The following TSHZ2 variants were observed in gnomAD, a reference collection of about 807,000 sequenced individuals.
TSHZ2 encodes the protein teashirt homolog 2.
In TSHZ2, 21 loss-of-function variants were observed where a neutral mutation model predicts 74.4. The ratio of observed to expected loss-of-function variants is 0.28; its 90% CI spans 0.20 to 0.41. TSHZ2 has a LOEUF of 0.41. TSHZ2 is among the 10% of genes least tolerant of loss of function. The pLI, the probability that TSHZ2 is intolerant of heterozygous loss-of-function variation, is 1.00. For synonymous variants in TSHZ2, 540 were observed against 515.3 expected (o/e 1.05, Z -0.65); for missense variants, 1,244 against 1,293.5 (o/e 0.96, Z 0.59).
At chr20:53,164,877 A>C (rs1475620633) in intron 1 of TSHZ2, among the ~76,000 whole-genome samples, 1 of 152,216 alleles carries the variant, frequency 6.6e-6, no homozygotes, top group African/African-American at 2.4e-5. Flanking sequence ...AAATAAACAT[A>C]TGTTGCCTAC....
chr20:53,200,513 TTA>T (rs1988977176), intron 1 of TSHZ2, among the ~76,000 whole-genome samples: 1 of 152,226 alleles, frequency 6.6e-6, no homozygotes, highest in Non-Finnish European at 1.5e-5. Context: ...GTGAGAATGC[TTA>T]TGTTTCAAAT....
At chr20:53,014,166 C>G (rs1266671346) in intron 1 of TSHZ2, among the ~76,000 whole-genome samples, 2 of 151,358 alleles carry the variant, frequency 1.3e-5, no homozygotes, top group Admixed American at 1.3e-4. Context: ...TTTTTTCTGG[C>G]CTGTAGAAGA....
chr20:53,358,270 C>G (rs1465747508), intron 2 of TSHZ2, among the ~76,000 whole-genome samples: 1 of 139,078 alleles, frequency 7.2e-6, no homozygotes, highest in Non-Finnish European at 1.5e-5. Context: ...CCTGGGTAAA[C>G]TGGGACAAAA....
At chr20:53,099,463 C>T (rs1181690520) in intron 1 of TSHZ2, among the ~76,000 whole-genome samples, 1 of 28,564 alleles carries the variant, frequency 3.5e-5, no homozygotes, top group African/African-American at 4.5e-4. Flanking sequence ...TCATTTGCTA[C>T]AACCTGTTTC....
At chr20:53,226,427 G>GGGGTGTGTGTGTGTGTGT (rs879256692) in intron 1 of TSHZ2, among the ~76,000 whole-genome samples, 101 of 149,668 alleles carry the variant, frequency 6.7e-4, no homozygotes, top group African/African-American at 1.6e-3. Flanking sequence ...TGTGTGGGTC[G>GGGGTGTGTGTGTGTGTGT]GTGTGTGTAT....
intron 1 of TSHZ2, among the ~76,000 whole-genome samples, chr20:53,201,652 T>C (rs1383369634): frequency 6.6e-6 from 1 of 152,216 alleles, no homozygotes; most frequent in African/African-American, 2.4e-5. Context: ...TTGGATGCCA[T>C]GATCTCGCCT....
intron 1 of TSHZ2, among the ~76,000 whole-genome samples, chr20:53,142,805 C>T (rs562736000): frequency 1.4e-4 from 21 of 148,524 alleles, no homozygotes; most frequent in Non-Finnish European, 1.8e-4. Flanking sequence ...ACCCACAAGC[C>T]GGTAACAGTA....
At position 53,051,451 on chromosome 20, in the gene TSHZ2, G is replaced by GCA. The variant is rs1289924266; in HGVS notation, c.40+78119_40+78120insAC. 9.1e-5 allele frequency among the ~76,000 whole-genome samples: 8 copies of GCA among 87,576 alleles called. No homozygotes were observed. The South Asian group carries it at 1.4e-3, about 16-fold the overall frequency. The allele number at this position is 87,576 out of a possible 152,430, so 57.5% of individuals were successfully genotyped here. Reference sequence around the variant, plus strand: ...AATATTCTTATCATATTACTCTGTGGCGCACGCACACACACACACACACAC... The same window carrying GCA: ...AATATTCTTATCATATTACTCTGTGGCACGCACGCACACACACACACACACAC... On this transcript the variant is annotated intron_variant, in intron 1 of 2. Coordinates refer to ENST00000371497, the MANE Select transcript of TSHZ2 (RefSeq NM_173485.6).
At chr20:53,176,114 T>C (rs1243098753) in intron 1 of TSHZ2, among the ~76,000 whole-genome samples, 1 of 152,208 alleles carries the variant, frequency 6.6e-6, no homozygotes, top group Admixed American at 6.5e-5. Flanking sequence ...TGACAACAGG[T>C]GCTGAACTGC....
chr20:53,129,963 T>C (rs147534154), intron 1 of TSHZ2, among the ~76,000 whole-genome samples: 19 of 152,000 alleles, frequency 1.3e-4, no homozygotes, highest in African/African-American at 4.3e-4. Flanking sequence ...CTCGTTTTCC[T>C]CTCGGAATGG....
At chr20:53,233,729 A>G (rs1477069021) in intron 1 of TSHZ2, among the ~76,000 whole-genome samples, 3 of 152,168 alleles carry the variant, frequency 2.0e-5, no homozygotes, top group Non-Finnish European at 4.4e-5. Context: ...ACAGAGGGAG[A>G]AGGAGGAAGA....
At chr20:53,387,254 G>A (rs1048905734) in intron 2 of TSHZ2, among the ~76,000 whole-genome samples, 1 of 152,186 alleles carries the variant, frequency 6.6e-6, no homozygotes, top group African/African-American at 2.4e-5. Context: ...AGAAAACAGT[G>A]GTCTAAAAAG....
chr20:53,127,742 A>G (rs1235819892), intron 1 of TSHZ2, among the ~76,000 whole-genome samples: 1 of 152,188 alleles, frequency 6.6e-6, no homozygotes. Context: ...TGTGAGGCAG[A>G]GTATTTATAA....
intron 2 of TSHZ2, among the ~76,000 whole-genome samples, chr20:53,402,901 C>T (rs149409346): frequency 0.011 from 1,751 of 152,332 alleles, 21 homozygotes; most frequent in South Asian, 0.035. Flanking sequence ...ACCCACCACA[C>T]TGTTCAGCTC....
intron 1 of TSHZ2, among the ~76,000 whole-genome samples, chr20:53,019,451 T>A (rs930020633): frequency 6.6e-6 from 1 of 152,082 alleles, no homozygotes; most frequent in Non-Finnish European, 1.5e-5. Context: ...CTTCTGAAAC[T>A]CTGTGGCCAA....
chr20:53,422,165 ATAAC>A (rs1260456851), intron 2 of TSHZ2, among the ~76,000 whole-genome samples: 1 of 152,210 alleles, frequency 6.6e-6, no homozygotes, highest in African/African-American at 2.4e-5. Flanking sequence ...TTATGAAATA[ATAAC>A]TAAATAACGA....
Position 53,492,856 on chromosome 20 carries a change from G to T in TSHZ2, c.*5721G>T, listed in dbSNP as rs1986484742. ...ATCACATTCATCCTTGCTCTAAAGT[G>T]TTTACTTGCCAGCAAAGAAAGGCAA... On this transcript the variant is annotated 3_prime_UTR_variant, in exon 3 of 3. Coordinates refer to ENST00000371497, the MANE Select transcript of TSHZ2 (RefSeq NM_173485.6). The T allele has an allele frequency of 1.3e-5, 2 of 152,116 alleles. No homozygotes were observed. Among genetic ancestry groups the T allele is most frequent in the East Asian group, 3.8e-4 (2 of 5,202 alleles). The allele number at this position is 152,116 out of a possible 1,614,324, so 9.4% of individuals were successfully genotyped here. A position where few individuals can be genotyped will look rare whatever the true frequency, so the allele number is the denominator to read the frequency against.
At chr20:53,449,949 T>C (rs1393419030) in intron 2 of TSHZ2, among the ~76,000 whole-genome samples, 1 of 152,248 alleles carries the variant, frequency 6.6e-6, no homozygotes, top group Admixed American at 6.5e-5. Flanking sequence ...GTTTGTTCTC[T>C]AAGGTCAGAG....
chr20:53,414,765 A>C (rs776269818), intron 2 of TSHZ2, among the ~76,000 whole-genome samples: 1 of 152,224 alleles, frequency 6.6e-6, no homozygotes, highest in Non-Finnish European at 1.5e-5. Flanking sequence ...GCACATTTCC[A>C]TGTGAATCTT....
Sources: allele counts gnomAD v4.1 joint callset (sites outside exome capture counted in the v4.1 genomes callset), GRCh38; gene constraint gnomAD v4.1.1; transcripts MANE v1.5; gene names NCBI Gene and HGNC (gene_info 2026-07-23, HGNC 2026-07-21).